The following MAGI1 variants were observed in gnomAD, a reference collection of about 807,000 sequenced individuals.
The protein encoded by MAGI1 is membrane associated guanylate kinase, WW and PDZ domain containing 1.
Under a neutral mutation model 139.9 loss-of-function variants are expected in MAGI1, and 58 were observed. That is an observed-to-expected ratio of 0.41 (90% CI 0.34 to 0.52). MAGI1 has a LOEUF of 0.52. Ranked by LOEUF, MAGI1 falls within the 20% of genes least tolerant of loss-of-function variation. The probability of loss-of-function intolerance (pLI) is 0.12; values close to 1 mark genes in which losing one functional copy is unlikely to be tolerated. For missense variants in MAGI1, 1,874 were observed against 1,901.6 expected, an observed-to-expected ratio of 0.99 and a Z score of 0.27; for synonymous variants, 812 against 737.9, an observed-to-expected ratio of 1.10 and a Z score of -1.63.
intron 1 of MAGI1, among the ~76,000 whole-genome samples, chr3:65,939,155 A>G (rs958683330): frequency 6.6e-6 from 1 of 152,240 alleles, no homozygotes; most frequent in African/African-American, 2.4e-5. Context: ...TAAGTCATCA[A>G]TGAAATAAAT....
intron 1 of MAGI1, among the ~76,000 whole-genome samples, chr3:65,691,920 T>G (rs767379799): frequency 6.6e-6 from 1 of 152,194 alleles, no homozygotes; most frequent in South Asian, 2.1e-4. Flanking sequence ...AAATCCTGCT[T>G]GATGCAACCA....
intron 1 of MAGI1, among the ~76,000 whole-genome samples, chr3:65,972,371 T>C (rs140751593): frequency 5.6e-4 from 85 of 152,354 alleles, no homozygotes; most frequent in African/African-American, 1.9e-3. Flanking sequence ...TCTTGGTAGT[T>C]TTAAATATTT....
intron 18 of MAGI1, among the ~76,000 whole-genome samples, chr3:65,373,085 G>T (rs954844402): frequency 6.6e-6 from 1 of 152,138 alleles, no homozygotes; most frequent in Non-Finnish European, 1.5e-5. Context: ...TTAGCATGAG[G>T]GATCTAGCTT....
intron 1 of MAGI1, among the ~76,000 whole-genome samples, chr3:65,811,638 G>A (rs946832192): frequency 3.9e-5 from 6 of 152,116 alleles, no homozygotes; most frequent in African/African-American, 1.4e-4. Flanking sequence ...TCACATGAAA[G>A]CTGGGCTGCA....
chr3:65,850,766 A>G (rs1231605638), intron 1 of MAGI1, among the ~76,000 whole-genome samples: 1 of 152,162 alleles, frequency 6.6e-6, no homozygotes, highest in Non-Finnish European at 1.5e-5. Flanking sequence ...GGCTGAGAAC[A>G]GTCATTAACC....
At chr3:65,369,595 G>A (rs1245925864) in intron 18 of MAGI1, among the ~76,000 whole-genome samples, 4 of 150,412 alleles carry the variant, frequency 2.7e-5, no homozygotes, top group African/African-American at 9.8e-5. Flanking sequence ...AGCAACCTCC[G>A]CCTCCTGGTT....
Position 65,612,351 on chromosome 3 carries a change from C to T in MAGI1, c.430+9621G>A, listed in dbSNP as rs552089144. On this transcript the variant is annotated intron_variant, in intron 2 of 22. Coordinates refer to ENST00000402939, the MANE Select transcript of MAGI1 (RefSeq NM_001033057.2). ...CAGCTTGTCATTTGTCCTCTCTCTC[C>T]CTCCTCCCACACATAATATATTTGT... Among the ~76,000 whole-genome samples the T allele has an allele frequency of 2.6e-5, 4 of 152,138 alleles. No homozygotes were observed. In the South Asian group the frequency reaches 8.3e-4, roughly 32 times the overall value.
intron 14 of MAGI1, chr3:65,387,101 T>C: frequency 6.5e-7 from 1 of 1,536,310 alleles, no homozygotes; most frequent in Non-Finnish European, 9.0e-7. Context: ...TCAAACAAGA[T>C]GAATGAAAAC....
At chr3:65,954,347 A>G (rs2064009320) in intron 1 of MAGI1, 2 of 152,548 alleles carry the variant, frequency 1.3e-5, no homozygotes, top group African/African-American at 4.8e-5. Context: ...CCTAGGCAGC[A>G]GGCCAGCTAG....
At chr3:65,826,745 C>A (rs1473185461) in intron 1 of MAGI1, among the ~76,000 whole-genome samples, 1 of 151,654 alleles carries the variant, frequency 6.6e-6, no homozygotes, top group Non-Finnish European at 1.5e-5. Context: ...TGCTAACCAT[C>A]TCAGATCCTC....
chr3:65,444,926 T>G (rs2107452253), intron 7 of MAGI1, among the ~76,000 whole-genome samples: 1 of 152,368 alleles, frequency 6.6e-6, no homozygotes, highest in East Asian at 1.9e-4. Flanking sequence ...CTCCTAATGC[T>G]TAAAATAGAA....
chr3:65,941,887 G>A (rs1364223005), intron 1 of MAGI1, among the ~76,000 whole-genome samples: 2 of 152,134 alleles, frequency 1.3e-5, no homozygotes, highest in Admixed American at 6.5e-5. Flanking sequence ...TGCCTCCCGG[G>A]CTCCATTAAT....
At chr3:65,908,841 G>A (rs1306496302) in intron 1 of MAGI1, among the ~76,000 whole-genome samples, 1 of 152,112 alleles carries the variant, frequency 6.6e-6, no homozygotes, top group Non-Finnish European at 1.5e-5. Flanking sequence ...TAACCATAAT[G>A]ACCACTCATA....
At chr3:65,387,335 A>G (rs968614088) in intron 14 of MAGI1, 2 of 756,614 alleles carry the variant, frequency 2.6e-6, no homozygotes, top group Non-Finnish European at 4.5e-6. Flanking sequence ...CTTTCACAAT[A>G]AAGGTCATGG....
At chr3:65,501,192 T>G (rs1251586639) in intron 2 of MAGI1, among the ~76,000 whole-genome samples, 1 of 151,996 alleles carries the variant, frequency 6.6e-6, no homozygotes, top group African/African-American at 2.4e-5. Context: ...TTAAAAAAAA[T>G]TAAACAGGCC....
chr3:65,874,883 A>G (rs1332490990), intron 1 of MAGI1: 1 of 152,764 alleles, frequency 6.5e-6, no homozygotes, highest in East Asian at 1.9e-4. Flanking sequence ...GAATGGGGAA[A>G]AAAATATGTA....
chr3:65,610,406 G>T (rs1397750632), intron 2 of MAGI1, among the ~76,000 whole-genome samples: 1 of 152,124 alleles, frequency 6.6e-6, no homozygotes, highest in Non-Finnish European at 1.5e-5. Context: ...CAGAATTTCA[G>T]TCCACCTGAT....
chr3:65,988,250 A>AT (rs1007323810), intron 1 of MAGI1, among the ~76,000 whole-genome samples: 6 of 151,922 alleles, frequency 3.9e-5, no homozygotes, highest in South Asian at 2.1e-4. Flanking sequence ...GTGACATCCT[A>AT]TTTTTTTTCA....
intron 1 of MAGI1, among the ~76,000 whole-genome samples, chr3:65,743,857 A>G (rs1162617310): frequency 3.3e-5 from 5 of 152,174 alleles, no homozygotes; most frequent in Admixed American, 3.3e-4. Context: ...ACACATTTTA[A>G]TATAATAAAA....
Sources: gnomAD v4.1 joint callset for allele counts (sites outside exome capture counted in the v4.1 genomes callset) on GRCh38, gnomAD v4.1.1 for gene constraint, MANE v1.5 for transcripts, NCBI Gene and HGNC (gene_info 2026-07-23, HGNC 2026-07-21) for gene names.